GABBR2: variants seen among roughly 807,000 people sequenced by gnomAD.
The protein encoded by GABBR2 is gamma-aminobutyric acid type B receptor subunit 2.
GABBR2 carries 23 observed loss-of-function variants against 105.6 expected under a neutral mutation model. That is an observed-to-expected ratio of 0.22 (90% confidence interval 0.16 to 0.31). The LOEUF is 0.31. Among genes scored for constraint, GABBR2 ranks in the 10% least tolerant of loss-of-function variants. The pLI, the probability that GABBR2 is intolerant of heterozygous loss-of-function variation, is 1.00. For synonymous variants in GABBR2, 478 were observed against 499.7 expected, an observed-to-expected ratio of 0.96 and a Z score of 0.58; for missense variants, 734 against 1,245.5, an observed-to-expected ratio of 0.59 and a Z score of 6.18.
chr9:98,630,442 T>C (rs202194605), intron 1 of GABBR2, among the ~76,000 whole-genome samples: 3 of 152,188 alleles, frequency 2.0e-5, no homozygotes, highest in Non-Finnish European at 2.9e-5. Flanking sequence ...GAAGTGGCTG[T>C]GGATACCTGG....
At chr9:98,672,006 GA>G (rs1471130241) in intron 1 of GABBR2, among the ~76,000 whole-genome samples, 1 of 152,116 alleles carries the variant, frequency 6.6e-6, no homozygotes, top group Non-Finnish European at 1.5e-5. Context: ...GAACTGGGTG[GA>G]TGATGGTGCT....
At chr9:98,574,831 C>T (rs1182382973) in intron 2 of GABBR2, among the ~76,000 whole-genome samples, 1 of 152,158 alleles carries the variant, frequency 6.6e-6, no homozygotes. Flanking sequence ...TTCCAAGTGA[C>T]ACTGAGAATC....
At chr9:98,452,802 AT>A (rs1826254612) in intron 7 of GABBR2, among the ~76,000 whole-genome samples, 1 of 152,242 alleles carries the variant, frequency 6.6e-6, no homozygotes, top group Admixed American at 6.5e-5. Flanking sequence ...AGCTTGCTTA[AT>A]AAATATTAAA....
chr9:98,518,219 G>A (rs1371707827), intron 3 of GABBR2, among the ~76,000 whole-genome samples: 1 of 152,196 alleles, frequency 6.6e-6, no homozygotes, highest in African/African-American at 2.4e-5. Flanking sequence ...AGCTGCAGTA[G>A]CCCTGGTTGG....
At chr9:98,441,992 G>A (rs1328287104) in intron 7 of GABBR2, among the ~76,000 whole-genome samples, 1 of 152,182 alleles carries the variant, frequency 6.6e-6, no homozygotes, top group Non-Finnish European at 1.5e-5. Context: ...GAGGTTTCAG[G>A]AGACTGATTT....
chr9:98,305,154 A>T (rs1295351642), intron 15 of GABBR2, among the ~76,000 whole-genome samples: 1 of 152,148 alleles, frequency 6.6e-6, no homozygotes, highest in African/African-American at 2.4e-5. Flanking sequence ...CTAAGAAGAA[A>T]GGCCTCTGGC....
At chr9:98,383,386 C>T (rs936180842) in intron 11 of GABBR2, among the ~76,000 whole-genome samples, 14 of 151,840 alleles carry the variant, frequency 9.2e-5, no homozygotes, top group East Asian at 2.0e-4. Flanking sequence ...CACTCCCAGA[C>T]GGGCAGAATA....
chr9:98,327,353 C>T (rs1002067061), intron 13 of GABBR2, among the ~76,000 whole-genome samples: 4 of 152,066 alleles, frequency 2.6e-5, no homozygotes, highest in African/African-American at 9.7e-5. Flanking sequence ...AGCCTGCCCC[C>T]ACCTGCTCAA....
chr9:98,314,407 A>G (rs1039332452), intron 13 of GABBR2, among the ~76,000 whole-genome samples: 8 of 152,164 alleles, frequency 5.3e-5, no homozygotes, highest in African/African-American at 1.9e-4. Context: ...TTATGCATGA[A>G]TGGCAAACCC....
intron 1 of GABBR2, among the ~76,000 whole-genome samples, chr9:98,604,997 G>T (rs10986995): frequency 0.083 from 12,638 of 152,240 alleles, 544 homozygotes; most frequent in African/African-American, 0.1. Flanking sequence ...AGCCAAGGCT[G>T]ACGTGGTCCC....
intron 1 of GABBR2, among the ~76,000 whole-genome samples, chr9:98,660,278 A>C (rs1266435942): frequency 6.6e-6 from 1 of 152,222 alleles, no homozygotes; most frequent in East Asian, 1.9e-4. Context: ...AAGTTGTTTG[A>C]TAAATATTCT....
chr9:98,628,579 A>C (rs1263039927), intron 1 of GABBR2, among the ~76,000 whole-genome samples: 2 of 151,938 alleles, frequency 1.3e-5, no homozygotes, highest in Admixed American at 1.3e-4. Flanking sequence ...GCTTTTTTTC[A>C]AAGCTTTTCT....
At chr9:98,703,998 A>G (rs914949213) in intron 1 of GABBR2, among the ~76,000 whole-genome samples, 6 of 152,100 alleles carry the variant, frequency 3.9e-5, no homozygotes, top group African/African-American at 1.4e-4. Flanking sequence ...GTACATTCAC[A>G]GAATTATGCA....
At chr9:98,605,278 C>A (rs1416936437) in intron 1 of GABBR2, among the ~76,000 whole-genome samples, 1 of 152,210 alleles carries the variant, frequency 6.6e-6, no homozygotes, top group Non-Finnish European at 1.5e-5. Context: ...TTGGAGGCAA[C>A]AAGGGGAGCA....
At chr9:98,432,271 G>A (rs932566046) in intron 7 of GABBR2, among the ~76,000 whole-genome samples, 2 of 152,196 alleles carry the variant, frequency 1.3e-5, no homozygotes, top group African/African-American at 4.8e-5. Context: ...GTGAGAATGA[G>A]CCAGAATGAA....
chr9:98,494,605 C>G (rs1319188970), intron 4 of GABBR2, among the ~76,000 whole-genome samples: 1 of 152,146 alleles, frequency 6.6e-6, no homozygotes, highest in African/African-American at 2.4e-5. Context: ...GGGGTAGTTG[C>G]TAACCTCTTT....
At chr9:98,325,712 C>T (rs1011073943) in intron 13 of GABBR2, among the ~76,000 whole-genome samples, 2 of 152,192 alleles carry the variant, frequency 1.3e-5, no homozygotes, top group Non-Finnish European at 2.9e-5. Context: ...ACCCTGTTCA[C>T]CTGGGGCTGT....
chr9:98,707,839 C>T (rs1830918769), intron 1 of GABBR2, among the ~76,000 whole-genome samples: 1 of 152,240 alleles, frequency 6.6e-6, no homozygotes, highest in Admixed American at 6.5e-5. Context: ...GCCGGTGGCC[C>T]CACACTTGCC....
Position 98,339,284 on chromosome 9 carries a change from C to CA in GABBR2, c.1893+23430dup, listed in dbSNP as rs9299286. On this transcript the variant is annotated intron_variant, in intron 13 of 18. Coordinates refer to ENST00000259455, the MANE Select transcript of GABBR2 (RefSeq NM_005458.8). Reference sequence around the variant, plus strand: ...ATTTTATGATATGTGAATTATATCTCAAAAAAAAAAAAAAAAAAGAAACAA... The same window carrying CA: ...ATTTTATGATATGTGAATTATATCTCAAAAAAAAAAAAAAAAAAAGAAACAA... 4.0e-3 allele frequency among the ~76,000 whole-genome samples: 539 copies of CA among 133,640 alleles called. 6 individuals are homozygous for CA. The highest frequency in any genetic ancestry group is 0.035 in the East Asian group (150 of 4,318). The allele number at this position is 133,640 out of a possible 152,430, so 87.7% of individuals were successfully genotyped here. A position where few individuals can be genotyped will look rare whatever the true frequency, so the allele number is the denominator to read the frequency against.
Sources: gnomAD v4.1 joint callset for allele counts (sites outside exome capture counted in the v4.1 genomes callset) on GRCh38, gnomAD v4.1.1 for gene constraint, MANE v1.5 for transcripts, NCBI Gene and HGNC (gene_info 2026-07-23, HGNC 2026-07-21) for gene names.